Variants in SMIM23 observed in about 807,000 individuals in gnomAD.
The protein encoded by SMIM23 is CTB-78H18.1.
Under a neutral mutation model 12.8 loss-of-function variants are expected in SMIM23, and 10 were observed. That is an observed-to-expected ratio of 0.78 (90% confidence interval 0.48 to 1.32). The LOEUF is 1.32. SMIM23 is among the 40% of genes most tolerant of loss of function. The pLI, the probability that SMIM23 is intolerant of heterozygous loss-of-function variation, is 0.00. For synonymous variants in SMIM23, 78 were observed against 80.1 expected (o/e 0.97, Z 0.14); for missense variants, 184 against 198.2 (o/e 0.93, Z 0.43).
chr5:171,773,789 C>T, the SMIM23 span: 1 of 456,294 alleles, frequency 2.2e-6, no homozygotes, highest in Admixed American at 2.3e-5. Flanking sequence ...CCAGATCGCT[C>T]ATTCTTCAAG....
chr5:171,787,567 C>T (rs994447910), intron 1 of SMIM23, among the ~76,000 whole-genome samples: 2 of 152,120 alleles, frequency 1.3e-5, no homozygotes, highest in African/African-American at 4.8e-5. Flanking sequence ...TTCCAGGCCA[C>T]GAAAACTCAT....
At chr5:171,774,885 T>C in the SMIM23 span, 2 of 328,420 alleles carry the variant, frequency 6.1e-6, no homozygotes, top group East Asian at 8.4e-5. Flanking sequence ...TGGCCTGAAA[T>C]TTTGACCCAC....
intron 1 of SMIM23, among the ~76,000 whole-genome samples, chr5:171,787,475 G>A (rs702077): frequency 0.15 from 22,653 of 152,138 alleles, 4,622 homozygotes; most frequent in African/African-American, 0.46. Flanking sequence ...AGCACAGTAT[G>A]GAAACCAGCA....
At chr5:171,773,132 C>T in the SMIM23 span, among the ~76,000 whole-genome samples, 2 of 152,276 alleles carry the variant, frequency 1.3e-5, no homozygotes, top group East Asian at 1.9e-4. Flanking sequence ...GACCTGGGTT[C>T]GAATCCTGAC....
At chr5:171,772,776 A>C in the SMIM23 span, among the ~76,000 whole-genome samples, 262 of 152,250 alleles carry the variant, frequency 1.7e-3, no homozygotes, top group Admixed American at 3.3e-3. Flanking sequence ...CTCCACCCTA[A>C]AGGTCTCTCC....
At chr5:171,783,674 G>C (rs1458617133), upstream of SMIM23, among the ~76,000 whole-genome samples, 3 of 152,162 alleles carry the variant, frequency 2.0e-5, no homozygotes, top group African/African-American at 7.2e-5. Flanking sequence ...TGCCATGAAA[G>C]AGCACAATTC....
upstream of SMIM23, among the ~76,000 whole-genome samples, chr5:171,782,121 G>C (rs150506407): frequency 6.6e-6 from 1 of 152,080 alleles, no homozygotes; most frequent in Non-Finnish European, 1.5e-5. Context: ...TCACTCTTTC[G>C]GTCCACCACC....
rs1755896197 is a variant in SMIM23 at position 171,790,215 on chromosome 5, C to T, written c.106-15C>T. ...TCCTCATGTTCTTCCTCCTCTTCCT[C>T]TTCTTGCACCCTAGACGCTGTTGGC... On this transcript the variant is annotated splice_polypyrimidine_tract_variant and intron_variant, in intron 1 of 3. Transcript: ENST00000523047. The T allele has an allele frequency of 6.5e-7, 1 of 1,536,142 alleles. No individual in the cohort carries two copies. Among genetic ancestry groups the T allele is most frequent in the Non-Finnish European group, 8.7e-7 (1 of 1,146,874 alleles).
chr5:171,774,379 C>A, the SMIM23 span: 1 of 455,814 alleles, frequency 2.2e-6, no homozygotes, highest in South Asian at 1.6e-5. Context: ...AGGAAGGAGC[C>A]CACGCAGGGT....
upstream of SMIM23, among the ~76,000 whole-genome samples, chr5:171,784,896 AGGGAATT>A (rs1755787245): frequency 6.6e-6 from 1 of 152,234 alleles, no homozygotes; most frequent in Non-Finnish European, 1.5e-5. Flanking sequence ...ATGAATTTCC[AGGGAATT>A]ATACTATGTT....
At chr5:171,781,276 A>G (rs961820659), upstream of SMIM23, among the ~76,000 whole-genome samples, 3 of 152,210 alleles carry the variant, frequency 2.0e-5, no homozygotes, top group Admixed American at 6.5e-5. Flanking sequence ...TGTGCCAATC[A>G]TGTTCAAGAT....
the SMIM23 span, among the ~76,000 whole-genome samples, chr5:171,776,060 G>A: frequency 2.0e-5 from 3 of 152,258 alleles, no homozygotes; most frequent in South Asian, 2.1e-4. Context: ...TAGTAGATAC[G>A]GGGTTTCGCC....
chr5:171,781,704 TG>T (rs1473887943), upstream of SMIM23, among the ~76,000 whole-genome samples: 1 of 151,574 alleles, frequency 6.6e-6, no homozygotes, highest in East Asian at 1.9e-4. Context: ...CAAAAAGGAG[TG>T]GAGATTGCAT....
the SMIM23 span, among the ~76,000 whole-genome samples, chr5:171,775,699 T>A: frequency 4.6e-5 from 7 of 152,186 alleles, no homozygotes; most frequent in Non-Finnish European, 5.9e-5. Context: ...TTCTATCTCA[T>A]GGAGTTGCTG....
chr5:171,777,401 T>G, the SMIM23 span, among the ~76,000 whole-genome samples: 2 of 152,170 alleles, frequency 1.3e-5, no homozygotes, highest in East Asian at 3.9e-4. Context: ...TCCTTTTTGG[T>G]CCACTGTTCG....
chr5:171,776,404 GT>G, the SMIM23 span, among the ~76,000 whole-genome samples: 58 of 152,288 alleles, frequency 3.8e-4, no homozygotes, highest in African/African-American at 1.4e-3. Context: ...GGCAGTTTTT[GT>G]TGGCCAGGGC....
the SMIM23 span, among the ~76,000 whole-genome samples, chr5:171,776,140 G>C: frequency 1.1e-3 from 171 of 152,300 alleles, no homozygotes; most frequent in African/African-American, 3.9e-3. Context: ...CAAAGTGCTG[G>C]GATTACAGGC....
chr5:171,781,222 A>C (rs969069059), upstream of SMIM23, among the ~76,000 whole-genome samples: 4 of 152,202 alleles, frequency 2.6e-5, no homozygotes, highest in Admixed American at 6.5e-5. Flanking sequence ...CTTTCTGACA[A>C]AGAACAGCCT....
chr5:171,785,403 T>G (rs1191414198), upstream of SMIM23, among the ~76,000 whole-genome samples: 183 of 141,116 alleles, frequency 1.3e-3, no homozygotes, highest in East Asian at 0.014. Flanking sequence ...CTTTTATTGT[T>G]TTTTTTTTTT....
Sources: allele counts gnomAD v4.1 joint callset (sites outside exome capture counted in the v4.1 genomes callset), GRCh38; gene constraint gnomAD v4.1.1; transcripts MANE v1.5; gene names NCBI Gene and HGNC (gene_info 2026-07-23, HGNC 2026-07-21).